GFOD2: variants seen among roughly 807,000 people sequenced by gnomAD.
GFOD2 encodes Gfo/Idh/MocA-like oxidoreductase domain containing 2, also known as glucose-fructose oxidoreductase domain-containing protein 2.
Under a neutral mutation model 24.6 loss-of-function variants are expected in GFOD2, and 9 were observed. The observed-to-expected ratio is 0.37, with a 90% CI of 0.22 to 0.64. The LOEUF is 0.64. Ranked by LOEUF, GFOD2 falls within the 30% of genes least tolerant of loss-of-function variation. The pLI is 0.65. For missense variants in GFOD2, 476 were observed against 532.5 expected (o/e 0.89, Z 1.04); for synonymous variants, 211 against 224.8 (o/e 0.94, Z 0.55).
At chr16:67,711,070 C>T (rs1174636300) in intron 1 of GFOD2, among the ~76,000 whole-genome samples, 1 of 152,172 alleles carries the variant, frequency 6.6e-6, no homozygotes, top group Non-Finnish European at 1.5e-5. Context: ...AGCATTTCTT[C>T]AGAATGAAGA....
chr16:67,709,648 C>T (rs1193830571), intron 1 of GFOD2, among the ~76,000 whole-genome samples: 1 of 152,166 alleles, frequency 6.6e-6, no homozygotes, highest in African/African-American at 2.4e-5. Context: ...TGGAGTCTCA[C>T]TCTGTCACCA....
chr16:67,688,734 CTTTTTT>C lies in GFOD2; in HGVS notation c.-87-2938_-87-2933del, dbSNP rs113977188. On this transcript the variant is annotated intron_variant, in intron 1 of 2. Transcript: ENST00000268797. The stretch of plus-strand genomic sequence containing the variant: ...TGTAGTACAATATACATAAAATTTA[CTTTTTT>C]TTTTTTTTTTTTGAGACGGAGTCTC... 3.3e-3 allele frequency among the ~76,000 whole-genome samples: 436 copies of C among 131,106 alleles called. 4 individuals are homozygous for C. Among genetic ancestry groups the C allele is most frequent in the African/African-American group, 0.011 (398 of 34,616 alleles). The allele number at this position is 131,106 out of a possible 152,430, so 86.0% of individuals were successfully genotyped here. A position where few individuals can be genotyped will look rare whatever the true frequency, so the allele number is the denominator to read the frequency against.
chr16:67,691,910 C>T (rs950754530), intron 1 of GFOD2, among the ~76,000 whole-genome samples: 1 of 152,150 alleles, frequency 6.6e-6, no homozygotes, highest in Non-Finnish European at 1.5e-5. Flanking sequence ...TCTATCCTCA[C>T]GTGCTACTGA....
chr16:67,688,981 T>C (rs112002856), intron 1 of GFOD2, among the ~76,000 whole-genome samples: 44,511 of 151,174 alleles, frequency 0.29, 9,999 homozygotes, highest in African/African-American at 0.63. Flanking sequence ...CCTTGTGATC[T>C]GCCTGCCTCA....
chr16:67,707,214 C>T (rs1355819047), intron 1 of GFOD2, among the ~76,000 whole-genome samples: 1 of 151,854 alleles, frequency 6.6e-6, no homozygotes, highest in Non-Finnish European at 1.5e-5. Flanking sequence ...CAAAAATAGC[C>T]TGGTGTGGTG....
chr16:67,675,404 G>A lies in GFOD2; in HGVS notation c.909C>T (p.Tyr303=). The change falls in exon 3 of 3, where the codon TAC becomes TAT. Residue 303 remains tyrosine (Y), a synonymous_variant. Coordinates refer to ENST00000268797, the MANE Select transcript of GFOD2 (RefSeq NM_030819.4). ...EQGPQDVPLL[Y]LKGMVYMVQA... Reference sequence around the variant, plus strand: ...GCACCATGTAGACCATGCCCTTCAGGTACAGCAGCGGGACATCCTGGGGCC... The same window carrying A: ...GCACCATGTAGACCATGCCCTTCAGATACAGCAGCGGGACATCCTGGGGCC... 6.2e-7 allele frequency: 1 copy of A among 1,613,134 alleles called. No homozygotes were observed. Among genetic ancestry groups the A allele is most frequent in the Non-Finnish European group, 8.5e-7 (1 of 1,179,986 alleles).
intron 2 of GFOD2, among the ~76,000 whole-genome samples, chr16:67,678,997 G>C (rs2053204075): frequency 6.6e-6 from 1 of 151,958 alleles, no homozygotes; most frequent in Non-Finnish European, 1.5e-5. Flanking sequence ...GCAAGACCTA[G>C]TATTTATTAA....
At chr16:67,678,156 CA>C (rs1277551909) in intron 2 of GFOD2, among the ~76,000 whole-genome samples, 4 of 152,184 alleles carry the variant, frequency 2.6e-5, no homozygotes, top group Non-Finnish European at 5.9e-5. Flanking sequence ...AATCTTGCAA[CA>C]AAAACTAAGA....
intron 2 of GFOD2, among the ~76,000 whole-genome samples, chr16:67,679,714 C>T (rs1187702401): frequency 6.6e-6 from 1 of 151,606 alleles, no homozygotes; most frequent in Non-Finnish European, 1.5e-5. Context: ...TGATGAAACC[C>T]TATCTCTACT....
chr16:67,683,876 C>A, intron 2 of GFOD2: 1 of 1,179,828 alleles, frequency 8.5e-7, no homozygotes. Context: ...TATTACCTCA[C>A]ATAAAACAGT....
intron 1 of GFOD2, among the ~76,000 whole-genome samples, chr16:67,704,100 A>AT (rs1473914095): frequency 2.0e-5 from 3 of 152,172 alleles, no homozygotes; most frequent in Non-Finnish European, 4.4e-5. Flanking sequence ...CTGTCAGTGA[A>AT]TGCTCGGGTT....
intron 1 of GFOD2, among the ~76,000 whole-genome samples, chr16:67,711,453 C>A (rs2053473172): frequency 1.3e-5 from 2 of 152,204 alleles, no homozygotes; most frequent in Non-Finnish European, 2.9e-5. Flanking sequence ...AACCATGGCT[C>A]AGTCCCCAGT....
intron 1 of GFOD2, among the ~76,000 whole-genome samples, chr16:67,702,289 A>G (rs2053408122): frequency 6.6e-6 from 1 of 151,936 alleles, no homozygotes; most frequent in African/African-American, 2.4e-5. Context: ...TTTGAGACCA[A>G]CATGTGAAAC....
chr16:67,702,588 C>T (rs1453217142), intron 1 of GFOD2, among the ~76,000 whole-genome samples: 1 of 148,168 alleles, frequency 6.7e-6, no homozygotes, highest in African/African-American at 2.6e-5. Flanking sequence ...TGAAGGTAGC[C>T]AGGATTTTTT....
intron 1 of GFOD2, among the ~76,000 whole-genome samples, chr16:67,717,955 G>T (rs1166540106): frequency 6.6e-6 from 1 of 152,136 alleles, no homozygotes; most frequent in Non-Finnish European, 1.5e-5. Context: ...TTCCTCTCTT[G>T]GTCCAGGCAG....
At chr16:67,685,205 C>T (rs2053256619) in intron 2 of GFOD2, 1 of 1,415,894 alleles carries the variant, frequency 7.1e-7, no homozygotes, top group African/African-American at 1.4e-5. Flanking sequence ...CAACCATCTC[C>T]AGCCCCTTGA....
chr16:67,700,404 A>C (rs1157716924), intron 1 of GFOD2, among the ~76,000 whole-genome samples: 1 of 151,906 alleles, frequency 6.6e-6, no homozygotes, highest in Non-Finnish European at 1.5e-5. Context: ...TAATTTAAAA[A>C]ATAAAATCAA....
chr16:67,679,921 A>AAAC (rs2053212632), intron 2 of GFOD2, among the ~76,000 whole-genome samples: 1 of 152,036 alleles, frequency 6.6e-6, no homozygotes, highest in African/African-American at 2.4e-5. Flanking sequence ...ACAAAAAAAA[A>AAAC]CAGGGTCTTG....
chr16:67,704,160 A>G (rs2053422859), intron 1 of GFOD2, among the ~76,000 whole-genome samples: 1 of 152,210 alleles, frequency 6.6e-6, no homozygotes, highest in South Asian at 2.1e-4. Flanking sequence ...TTGGGAGTAC[A>G]AATTATAGTT....
Sources: allele counts gnomAD v4.1 joint callset (sites outside exome capture counted in the v4.1 genomes callset), GRCh38; gene constraint gnomAD v4.1.1; transcripts MANE v1.5; gene names NCBI Gene and HGNC (gene_info 2026-07-23, HGNC 2026-07-21).